Variants in TMEM135 observed in about 807,000 individuals in gnomAD.
TMEM135 encodes the protein transmembrane protein 135, also known as peroxisomal membrane protein 52.
A neutral mutation model predicts 60.3 loss-of-function variants in TMEM135; 30 were observed. That is an observed-to-expected ratio of 0.50 (90% CI 0.37 to 0.68). The LOEUF is 0.68. Among genes scored for constraint, TMEM135 ranks in the 30% least tolerant of loss-of-function variants. The probability of loss-of-function intolerance (pLI) is 0.00; values close to 1 mark genes in which losing one functional copy is unlikely to be tolerated. For missense variants in TMEM135, 468 were observed against 548.8 expected (o/e 0.85, Z 1.47); for synonymous variants, 190 against 186.7 (o/e 1.02, Z -0.14).
intron 4 of TMEM135, among the ~76,000 whole-genome samples, chr11:87,138,529 T>C (rs1938172299): frequency 6.6e-6 from 1 of 152,240 alleles, no homozygotes; most frequent in Non-Finnish European, 1.5e-5. Flanking sequence ...AAGCACTTAC[T>C]TGACATAGTC....
chr11:87,075,511 C>G (rs148820994), intron 3 of TMEM135, among the ~76,000 whole-genome samples: 165 of 152,230 alleles, frequency 1.1e-3, no homozygotes, highest in African/African-American at 3.7e-3. Context: ...CAGGCTGGGC[C>G]GGTCCTGAGC....
chr11:87,166,946 A>G (rs571908284), intron 5 of TMEM135, among the ~76,000 whole-genome samples: 2 of 151,964 alleles, frequency 1.3e-5, no homozygotes, highest in African/African-American at 2.4e-5. Flanking sequence ...AGCATGGAAT[A>G]TTTTTTCCAT....
intron 5 of TMEM135, among the ~76,000 whole-genome samples, chr11:87,164,310 G>T (rs1474944423): frequency 5.6e-5 from 6 of 106,876 alleles, no homozygotes; most frequent in African/African-American, 2.4e-4. Flanking sequence ...TTTCCCCATT[G>T]CTTGTTTTTC....
intron 6 of TMEM135, among the ~76,000 whole-genome samples, chr11:87,291,275 A>G (rs1421873798): frequency 6.6e-6 from 1 of 152,022 alleles, no homozygotes; most frequent in Non-Finnish European, 1.5e-5. Context: ...TGTGCTTAGT[A>G]TTCCCTACTT....
chr11:87,109,107 G>A (rs1157907404), intron 4 of TMEM135, among the ~76,000 whole-genome samples: 1 of 152,176 alleles, frequency 6.6e-6, no homozygotes, highest in East Asian at 1.9e-4. Flanking sequence ...GGAGGTGATA[G>A]ATGTGTTAAC....
At chr11:87,208,544 A>G (rs1205374078) in intron 5 of TMEM135, among the ~76,000 whole-genome samples, 1 of 152,170 alleles carries the variant, frequency 6.6e-6, no homozygotes, top group Non-Finnish European at 1.5e-5. Context: ...CAACACCTCT[A>G]AGAAATATGG....
At chr11:87,091,280 T>G in intron 3 of TMEM135, 82 bp from the exon 4 acceptor site, 2 of 1,264,134 alleles carry the variant, frequency 1.6e-6, no homozygotes, top group Non-Finnish European at 2.3e-6. Context: ...AATATAATTC[T>G]TTTTATAGAC....
chr11:87,261,114 C>T (rs888442362), intron 6 of TMEM135, among the ~76,000 whole-genome samples: 1 of 152,168 alleles, frequency 6.6e-6, no homozygotes, highest in Non-Finnish European at 1.5e-5. Flanking sequence ...AGAGTCAAGA[C>T]GTTTTTCTCA....
At chr11:87,172,683 A>G (rs1939271176) in intron 5 of TMEM135, among the ~76,000 whole-genome samples, 1 of 152,062 alleles carries the variant, frequency 6.6e-6, no homozygotes, top group Non-Finnish European at 1.5e-5. Context: ...ATTTATTGAG[A>G]CAGAACTCAA....
intron 4 of TMEM135, among the ~76,000 whole-genome samples, chr11:87,153,288 G>T (rs1938606198): frequency 6.6e-6 from 1 of 152,088 alleles, no homozygotes; most frequent in African/African-American, 2.4e-5. Context: ...CAGCCCCACT[G>T]GCCATCTTAT....
At chr11:87,261,729 C>G (rs189373334) in intron 6 of TMEM135, among the ~76,000 whole-genome samples, 15 of 152,190 alleles carry the variant, frequency 9.9e-5, no homozygotes, top group Admixed American at 5.2e-4. Flanking sequence ...TTAAGCAGTC[C>G]TCCCACCTCA....
rs1940005137 is a variant in TMEM135 at position 87,198,266 on chromosome 11, A to G, written c.463-38372A>G. On this transcript the variant is annotated intron_variant, in intron 5 of 14. Transcript: ENST00000305494. ...AATGTATGTCAAAATCCGTTTTACA[A>G]TTTATTTTACTACACATTTGTATTA... is the stretch of plus-strand genomic sequence containing the variant. Among the ~76,000 whole-genome samples, 2 of 152,118 alleles carry G rather than the reference A, an allele frequency of 1.3e-5. 1 individual carries two copies. The highest frequency in any genetic ancestry group is 4.2e-4 in the South Asian group (2 of 4,816).
intron 4 of TMEM135, among the ~76,000 whole-genome samples, chr11:87,150,633 C>T (rs1938535325): frequency 1.3e-5 from 2 of 152,050 alleles, no homozygotes; most frequent in African/African-American, 4.8e-5. Context: ...TAATAATTGC[C>T]TCACTTTTTA....
At chr11:87,087,836 A>G (rs1316007022) in intron 3 of TMEM135, among the ~76,000 whole-genome samples, 1 of 152,088 alleles carries the variant, frequency 6.6e-6, no homozygotes, top group Non-Finnish European at 1.5e-5. Flanking sequence ...TCCTTGGTTC[A>G]AGTGATTCTC....
intron 7 of TMEM135, among the ~76,000 whole-genome samples, chr11:87,297,735 T>G (rs997705486): frequency 2.4e-4 from 36 of 152,382 alleles, no homozygotes; most frequent in Non-Finnish European, 5.9e-5. Context: ...GAAAAAATGT[T>G]TGTTAATTCT....
chr11:87,161,141 G>T (rs1288195520), intron 5 of TMEM135, among the ~76,000 whole-genome samples: 3 of 152,030 alleles, frequency 2.0e-5, no homozygotes, highest in Non-Finnish European at 4.4e-5. Flanking sequence ...CTCGTGATCT[G>T]CCCTCTTCCG....
intron 6 of TMEM135, among the ~76,000 whole-genome samples, chr11:87,238,043 T>C (rs1936363663): frequency 6.6e-6 from 1 of 151,986 alleles, no homozygotes; most frequent in African/African-American, 2.4e-5. Flanking sequence ...TTATGTACCA[T>C]ATTTTATTTA....
intron 3 of TMEM135, among the ~76,000 whole-genome samples, chr11:87,080,838 C>G (rs1295262784): frequency 1.1e-4 from 16 of 152,216 alleles, no homozygotes; most frequent in Non-Finnish European, 4.4e-5. Flanking sequence ...AGGCACGTGC[C>G]ACCACGCCTG....
intron 1 of TMEM135, among the ~76,000 whole-genome samples, chr11:87,047,365 C>T (rs1028600102): frequency 2.0e-5 from 3 of 152,000 alleles, no homozygotes; most frequent in Non-Finnish European, 2.9e-5. Context: ...GCGTGAGCGA[C>T]GCAGAAGACG....
Sources: gnomAD v4.1 joint callset for allele counts (sites outside exome capture counted in the v4.1 genomes callset) on GRCh38, gnomAD v4.1.1 for gene constraint, MANE v1.5 for transcripts, NCBI Gene and HGNC (gene_info 2026-07-23, HGNC 2026-07-21) for gene names.